DCC: variants seen among roughly 807,000 people sequenced by gnomAD.
DCC encodes DCC netrin 1 receptor.
A neutral mutation model predicts 172.5 loss-of-function variants in DCC; 58 were observed. The ratio of observed to expected loss-of-function variants is 0.34; its 90% confidence interval spans 0.27 to 0.42. The LOEUF is 0.42. Ranked by LOEUF, DCC falls within the 10% of genes least tolerant of loss-of-function variation. DCC has a pLI of 1.00. For synonymous variants in DCC, 709 were observed against 644.5 expected (o/e 1.10, Z -1.52); for missense variants, 1,740 against 1,791.0 (o/e 0.97, Z 0.51).
chr18:52,426,650 G>T (rs571121241), intron 1 of DCC, among the ~76,000 whole-genome samples: 78 of 151,768 alleles, frequency 5.1e-4, no homozygotes, highest in Middle Eastern at 3.4e-3. Context: ...TCTGAGAAGA[G>T]AATTAATTCT....
chr18:52,616,578 T>G (rs2034386042), intron 1 of DCC, among the ~76,000 whole-genome samples: 1 of 152,166 alleles, frequency 6.6e-6, no homozygotes, highest in African/African-American at 2.4e-5. Flanking sequence ...GAAAAAAGAC[T>G]GATAACTATT....
At chr18:52,535,621 T>C (rs1184616018) in intron 1 of DCC, among the ~76,000 whole-genome samples, 1 of 152,034 alleles carries the variant, frequency 6.6e-6, no homozygotes, top group Non-Finnish European at 1.5e-5. Flanking sequence ...ATTGGGAAAA[T>C]TGTCTGGGAG....
intron 2 of DCC, among the ~76,000 whole-genome samples, chr18:52,808,395 G>T (rs1350651304): frequency 1.0e-5 from 1 of 98,340 alleles, no homozygotes; most frequent in Non-Finnish European, 2.1e-5. Context: ...ACTCAATCAA[G>T]ATTTGGCTTT....
At chr18:52,916,858 T>C (rs2040048895) in intron 3 of DCC, among the ~76,000 whole-genome samples, 1 of 152,136 alleles carries the variant, frequency 6.6e-6, no homozygotes. Flanking sequence ...ATGCAGAAAG[T>C]ATTTTTAAAT....
At chr18:52,368,814 A>T (rs1353312665) in intron 1 of DCC, among the ~76,000 whole-genome samples, 2 of 152,230 alleles carry the variant, frequency 1.3e-5, no homozygotes, top group Admixed American at 6.5e-5. Context: ...TTGCCCAGAC[A>T]TTATACCTTG....
At chr18:52,361,054 C>T (rs72916921) in intron 1 of DCC, among the ~76,000 whole-genome samples, 27,341 of 152,108 alleles carry the variant, frequency 0.18, 2,543 homozygotes, top group South Asian at 0.25. Flanking sequence ...GTCACAGCAG[C>T]GCAAAGTGAT....
At chr18:53,342,514 C>T (rs930954882) in intron 15 of DCC, among the ~76,000 whole-genome samples, 18 of 151,378 alleles carry the variant, frequency 1.2e-4, no homozygotes, top group Admixed American at 9.9e-4. Flanking sequence ...TATTTATATA[C>T]AGTACATTGT....
At chr18:53,311,134 T>A (rs1012076262) in intron 13 of DCC, among the ~76,000 whole-genome samples, 7 of 152,002 alleles carry the variant, frequency 4.6e-5, no homozygotes, top group Non-Finnish European at 7.4e-5. Flanking sequence ...TTATTTATTT[T>A]TTTTGAGATG....
At chr18:52,506,450 C>T (rs2031234068) in intron 1 of DCC, among the ~76,000 whole-genome samples, 1 of 151,978 alleles carries the variant, frequency 6.6e-6, no homozygotes, top group South Asian at 2.1e-4. Context: ...ACACAAACAC[C>T]GTTTAAAATG....
intron 15 of DCC, among the ~76,000 whole-genome samples, chr18:53,343,963 T>C (rs950480910): frequency 3.3e-5 from 5 of 152,050 alleles, no homozygotes; most frequent in Admixed American, 2.0e-4. Flanking sequence ...CTGTTATCTA[T>C]GGTTATTAAC....
chr18:53,491,553 T>C (rs561321257), intron 26 of DCC, among the ~76,000 whole-genome samples: 14 of 152,118 alleles, frequency 9.2e-5, no homozygotes, highest in Non-Finnish European at 1.6e-4. Flanking sequence ...TGTGTCCTCA[T>C]TGTTCATCTC....
intron 1 of DCC, among the ~76,000 whole-genome samples, chr18:52,618,133 T>G (rs1321472049): frequency 1.3e-5 from 2 of 152,130 alleles, no homozygotes; most frequent in African/African-American, 2.4e-5. Context: ...TATATATTTG[T>G]GAGCAAATAT....
rs1238829291 is a variant in DCC, at chr18:52,459,054, T to TC, written c.91+118176_91+118177insC. Among the ~76,000 whole-genome samples, 3 of 150,674 alleles carry TC rather than the reference T, an allele frequency of 2.0e-5. No individual in the cohort carries two copies. The East Asian group carries it at 5.8e-4, about 29-fold the overall frequency. On this transcript the variant is annotated intron_variant, in intron 1 of 28. Coordinates refer to ENST00000442544, the MANE Select transcript of DCC (RefSeq NM_005215.4). The stretch of plus-strand genomic sequence containing the variant: ...CCTGAAGCCGCCTGTAAATTAGTTC[T>TC]TTTTTTTTGCCCTATGGGTACAAAA...
chr18:53,052,287 T>C (rs2042344265), intron 5 of DCC, among the ~76,000 whole-genome samples: 1 of 152,132 alleles, frequency 6.6e-6, no homozygotes, highest in South Asian at 2.1e-4. Context: ...AATGAATCCA[T>C]TGTGTGAAGC....
intron 2 of DCC, among the ~76,000 whole-genome samples, chr18:52,848,821 C>T (rs1477628907): frequency 1.3e-5 from 2 of 152,114 alleles, no homozygotes; most frequent in Non-Finnish European, 2.9e-5. Context: ...TAATTCAGTT[C>T]CATTTATCCA....
At chr18:53,278,259 C>T (rs892249231) in intron 12 of DCC, among the ~76,000 whole-genome samples, 4 of 152,000 alleles carry the variant, frequency 2.6e-5, no homozygotes, top group Middle Eastern at 3.2e-3. Context: ...GTGTGCTGTT[C>T]TCATTTTCTA....
intron 2 of DCC, among the ~76,000 whole-genome samples, chr18:52,864,888 C>T (rs140944350): frequency 0.011 from 1,686 of 151,440 alleles, 23 homozygotes; most frequent in African/African-American, 0.036. Flanking sequence ...TTTATTGAGA[C>T]GGAGTCTCAC....
intron 5 of DCC, among the ~76,000 whole-genome samples, chr18:52,971,373 A>T (rs146315055): frequency 0.014 from 2,079 of 152,238 alleles, 52 homozygotes; most frequent in African/African-American, 0.048. Context: ...TGGATGTATA[A>T]TTCCCTATGA....
intron 5 of DCC, among the ~76,000 whole-genome samples, chr18:52,971,580 T>C (rs539585044): frequency 6.6e-6 from 1 of 152,098 alleles, no homozygotes; most frequent in African/African-American, 2.4e-5. Context: ...GAGGAGATTA[T>C]AGACTGAAGT....
Sources: gnomAD v4.1 joint callset for allele counts (sites outside exome capture counted in the v4.1 genomes callset) on GRCh38, gnomAD v4.1.1 for gene constraint, MANE v1.5 for transcripts, NCBI Gene and HGNC (gene_info 2026-07-23, HGNC 2026-07-21) for gene names.